The following TCF7L2 variants were observed in gnomAD, a reference collection of about 807,000 sequenced individuals.
The protein encoded by TCF7L2 is transcription factor 7 like 2, also known as transcription factor 7-like 2.
Under a neutral mutation model 77.9 loss-of-function variants are expected in TCF7L2, and 23 were observed. The ratio of observed to expected loss-of-function variants is 0.30; its 90% CI spans 0.21 to 0.42. The LOEUF is 0.42. Ranked by LOEUF, TCF7L2 falls within the 10% of genes least tolerant of loss-of-function variation. TCF7L2 has a pLI of 1.00. For synonymous variants in TCF7L2, 413 were observed against 340.2 expected (o/e 1.21, Z -2.36); for missense variants, 654 against 793.1 (o/e 0.82, Z 2.11).
At chr10:112,951,117 C>G (rs78277257) in intron 1 of TCF7L2, 90 bp from the exon 2 acceptor site, 11 of 1,306,168 alleles carry the variant, frequency 8.4e-6, no homozygotes, top group East Asian at 2.8e-5. Context: ...TCTACCCCCC[C>G]CTCGACCTCG....
At chr10:113,032,943 A>C (rs2050496302) in intron 4 of TCF7L2, among the ~76,000 whole-genome samples, 1 of 152,200 alleles carries the variant, frequency 6.6e-6, no homozygotes, top group African/African-American at 2.4e-5. Context: ...AAATCTTATA[A>C]CAACCAACTG....
chr10:113,125,831 C>T (rs1339444463), intron 5 of TCF7L2: 5 of 152,178 alleles, frequency 3.3e-5, no homozygotes, highest in African/African-American at 1.2e-4. Context: ...CATTGGAAGG[C>T]AGGGCTGCGG....
chr10:113,129,810 C>G, intron 5 of TCF7L2: 1 of 1,287,914 alleles, frequency 7.8e-7, no homozygotes, highest in Non-Finnish European at 1.0e-6. Flanking sequence ...AGTCCCATCT[C>G]GAAGGTACAG....
At chr10:112,963,199 A>G (rs541840969) in intron 3 of TCF7L2, among the ~76,000 whole-genome samples, 2 of 152,238 alleles carry the variant, frequency 1.3e-5, no homozygotes, top group Non-Finnish European at 2.9e-5. Flanking sequence ...GACTTAGCCC[A>G]TGAACAACAT....
At chr10:113,081,605 T>G (rs1408259217) in intron 5 of TCF7L2, among the ~76,000 whole-genome samples, 1 of 152,180 alleles carries the variant, frequency 6.6e-6, no homozygotes, top group Non-Finnish European at 1.5e-5. Flanking sequence ...GATTATACTG[T>G]TAAGGACAGA....
intron 5 of TCF7L2, among the ~76,000 whole-genome samples, chr10:113,090,892 A>G (rs1351568262): frequency 6.6e-6 from 1 of 152,014 alleles, no homozygotes; most frequent in Non-Finnish European, 1.5e-5. Flanking sequence ...ACAGGCATGA[A>G]CAACCATGCC....
chr10:113,161,473 G>C, intron 13 of TCF7L2: 1 of 1,241,672 alleles, frequency 8.1e-7, no homozygotes, highest in South Asian at 1.3e-5. Flanking sequence ...GAAAGTGTAG[G>C]TACTTCCTTC....
intron 3 of TCF7L2, among the ~76,000 whole-genome samples, chr10:112,960,584 G>C (rs2034812194): frequency 6.6e-6 from 1 of 152,192 alleles, no homozygotes; most frequent in African/African-American, 2.4e-5. Context: ...GCACAGCCAG[G>C]TGAGAGCAGC....
chr10:113,156,743 C>T (rs1049950751), intron 11 of TCF7L2, among the ~76,000 whole-genome samples: 3 of 152,180 alleles, frequency 2.0e-5, no homozygotes, highest in Admixed American at 2.0e-4. Flanking sequence ...AAAGAGCTTC[C>T]TTGGAGGGCT....
chr10:112,997,306 G>A (rs2133253215), intron 4 of TCF7L2, among the ~76,000 whole-genome samples: 1 of 152,316 alleles, frequency 6.6e-6, no homozygotes, highest in Non-Finnish European at 1.5e-5. Context: ...GGTGGAAAAA[G>A]TTTGCTTGTC....
At chr10:113,051,556 C>T (rs996545828) in intron 5 of TCF7L2, among the ~76,000 whole-genome samples, 7 of 152,142 alleles carry the variant, frequency 4.6e-5, no homozygotes, top group Non-Finnish European at 2.9e-5. Flanking sequence ...TAGATAGAGC[C>T]TTGCAAGAGC....
intron 3 of TCF7L2, among the ~76,000 whole-genome samples, chr10:112,963,232 G>A (rs985439280): frequency 6.6e-6 from 1 of 151,918 alleles, no homozygotes; most frequent in African/African-American, 2.4e-5. Flanking sequence ...TTTTTTTTAT[G>A]GGATTACTAC....
chr10:113,145,455 G>A lies in TCF7L2; in HGVS notation c.789-556G>A, dbSNP rs568287250. On this transcript the variant is annotated intron_variant, in intron 7 of 13. Coordinates refer to ENST00000627217, the MANE Select transcript of TCF7L2 (RefSeq NM_001146274.2). The stretch of plus-strand genomic sequence containing the variant: ...TTAATTATTGTAATGAGGTGTGATT[G>A]TCTATTGGTTACCCACAATTCTTCT... Among the ~76,000 whole-genome samples, 5 of 152,204 alleles carry A rather than the reference G, an allele frequency of 3.3e-5. No homozygotes were observed. In the South Asian group the frequency reaches 1.0e-3, roughly 32 times the overall value.
intron 5 of TCF7L2, among the ~76,000 whole-genome samples, chr10:113,064,068 G>A (rs1351594300): frequency 2.0e-5 from 3 of 152,162 alleles, no homozygotes; most frequent in Non-Finnish European, 4.4e-5. Flanking sequence ...AGATTGTTAA[G>A]AGCTTGCTGG....
At chr10:112,957,389 A>G (rs1218033031) in intron 3 of TCF7L2, among the ~76,000 whole-genome samples, 1 of 151,818 alleles carries the variant, frequency 6.6e-6, no homozygotes, top group Non-Finnish European at 1.5e-5. Flanking sequence ...AAGTGAGATG[A>G]GGTGAAGAGA....
At chr10:112,963,813 T>C (rs914205404) in intron 3 of TCF7L2, among the ~76,000 whole-genome samples, 1 of 152,166 alleles carries the variant, frequency 6.6e-6, no homozygotes, top group Non-Finnish European at 1.5e-5. Context: ...ACTTAGACCT[T>C]GGGGAGGGTC....
At chr10:113,075,548 C>T (rs1371551769) in intron 5 of TCF7L2, among the ~76,000 whole-genome samples, 1 of 151,920 alleles carries the variant, frequency 6.6e-6, no homozygotes, top group African/African-American at 2.4e-5. Flanking sequence ...TTGCCAATTA[C>T]TTTATGTGTT....
At chr10:113,042,050 G>A (rs2052549099) in intron 5 of TCF7L2, among the ~76,000 whole-genome samples, 1 of 152,322 alleles carries the variant, frequency 6.6e-6, no homozygotes, top group East Asian at 1.9e-4. Context: ...CCCGTGTAAA[G>A]GAGTGGGGGT....
At chr10:113,010,100 G>A (rs922965892) in intron 4 of TCF7L2, among the ~76,000 whole-genome samples, 1 of 151,988 alleles carries the variant, frequency 6.6e-6, no homozygotes, top group Non-Finnish European at 1.5e-5. Context: ...TGGGAACTTT[G>A]AGTTTTCCTG....
Sources: gnomAD v4.1 joint callset for allele counts (sites outside exome capture counted in the v4.1 genomes callset) on GRCh38, gnomAD v4.1.1 for gene constraint, MANE v1.5 for transcripts, NCBI Gene and HGNC (gene_info 2026-07-23, HGNC 2026-07-21) for gene names.